Variants in RNFT2 observed in about 807,000 individuals in gnomAD.
The protein encoded by RNFT2 is E3 ubiquitin-protein ligase RNFT2.
RNFT2 carries 36 observed loss-of-function variants against 53.0 expected under a neutral mutation model. That is an observed-to-expected ratio of 0.68 (90% CI 0.52 to 0.90). The LOEUF (loss-of-function observed/expected upper bound fraction) is 0.90, where lower values mean the gene tolerates loss of function less well. RNFT2 is among the 40% of genes least tolerant of loss of function. The pLI is 0.00. For missense variants in RNFT2, 514 were observed against 585.6 expected (o/e 0.88, Z 1.26); for synonymous variants, 260 against 253.2 (o/e 1.03, Z -0.26).
At chr12:116,760,047 A>G (rs1872638708) in intron 5 of RNFT2, among the ~76,000 whole-genome samples, 1 of 152,064 alleles carries the variant, frequency 6.6e-6, no homozygotes. Flanking sequence ...TAAGTAGATG[A>G]CATTCCCAGG....
chr12:116,776,365 T>C (rs1873429088), intron 6 of RNFT2, among the ~76,000 whole-genome samples: 1 of 152,170 alleles, frequency 6.6e-6, no homozygotes, highest in African/African-American at 2.4e-5. Context: ...ATCATGATCA[T>C]GGAAGCACTG....
At chr12:116,788,223 A>C (rs12309159) in intron 7 of RNFT2, among the ~76,000 whole-genome samples, 1 of 152,152 alleles carries the variant, frequency 6.6e-6, no homozygotes, top group Non-Finnish European at 1.5e-5. Flanking sequence ...CACTGCGCCC[A>C]GCCTCTTTTG....
intron 7 of RNFT2, among the ~76,000 whole-genome samples, chr12:116,816,470 C>A (rs1875680115): frequency 6.6e-6 from 1 of 152,160 alleles, no homozygotes. Flanking sequence ...CCCCTCCTCG[C>A]CAGAAGAGCA....
At chr12:116,828,690 A>T (rs946016798) in intron 7 of RNFT2, among the ~76,000 whole-genome samples, 2 of 151,884 alleles carry the variant, frequency 1.3e-5, no homozygotes, top group Non-Finnish European at 2.9e-5. Context: ...AGAGGGAGGG[A>T]GGGGCAGAGG....
At chr12:116,772,313 G>A (rs1325187123) in intron 6 of RNFT2, among the ~76,000 whole-genome samples, 2 of 151,924 alleles carry the variant, frequency 1.3e-5, no homozygotes, top group African/African-American at 4.8e-5. Context: ...ATTTTATTTT[G>A]TTTTTATTTT....
In RNFT2 at chr12:116,841,896, T is replaced by TATATATAAATATATATATAAAA. The variant is rs1565876193; in HGVS notation, c.1200+5621_1200+5622insAATATATATATAAAAATATATA. Among the ~76,000 whole-genome samples, 64 of 20,332 alleles carry TATATATAAATATATATATAAAA rather than the reference T, an allele frequency of 3.1e-3. 3 individuals are homozygous for TATATATAAATATATATATAAAA. Among genetic ancestry groups the TATATATAAATATATATATAAAA allele is most frequent in the African/African-American group, 0.012 (59 of 4,830 alleles). The allele number at this position is 20,332 out of a possible 152,430, so 13.3% of individuals were successfully genotyped here. A position where few individuals can be genotyped will look rare whatever the true frequency, so the allele number is the denominator to read the frequency against. On this transcript the variant is annotated intron_variant, in intron 10 of 10. Transcript: ENST00000257575. ...ATATATATATAAATATATATAAAAATATATATATATAAATATATATATAAA... is the reference window on the plus strand; with the variant it reads ...ATATATATATAAATATATATAAAAATATATATAAATATATATATAAAAATATATATATAAATATATATATAAA...
intron 3 of RNFT2, among the ~76,000 whole-genome samples, chr12:116,744,123 G>A (rs1180634578): frequency 6.6e-6 from 1 of 151,912 alleles, no homozygotes; most frequent in East Asian, 1.9e-4. Context: ...CTACCCAGGA[G>A]GCTGAGGAAG....
chr12:116,815,764 G>A (rs1394424439), intron 7 of RNFT2, among the ~76,000 whole-genome samples: 2 of 152,128 alleles, frequency 1.3e-5, no homozygotes, highest in African/African-American at 4.8e-5. Flanking sequence ...TCTTTGGGGC[G>A]GGGGCATTAT....
chr12:116,749,600 A>G (rs1201240835), intron 3 of RNFT2, among the ~76,000 whole-genome samples: 2 of 152,092 alleles, frequency 1.3e-5, no homozygotes, highest in Non-Finnish European at 2.9e-5. Context: ...TTACAGGGAC[A>G]GCAGTCACAC....
intron 7 of RNFT2, among the ~76,000 whole-genome samples, chr12:116,817,863 T>C (rs1416111475): frequency 1.3e-5 from 2 of 152,176 alleles, no homozygotes; most frequent in African/African-American, 4.8e-5. Context: ...TGCGAAGGTG[T>C]TGGGGATAAG....
In RNFT2 at chr12:116,812,740, G is replaced by A. The variant is rs543966349; in HGVS notation, c.883-21052G>A. On this transcript the variant is annotated intron_variant, in intron 7 of 10. Transcript: ENST00000257575. Reference sequence around the variant, plus strand: ...GTAGAGATGGGGTTTTACCATGTTGGCCAGGCTGGTCTCTAAATCATGGCC... The same window carrying A: ...GTAGAGATGGGGTTTTACCATGTTGACCAGGCTGGTCTCTAAATCATGGCC... Among the ~76,000 whole-genome samples the A allele has an allele frequency of 2.6e-5, 4 of 152,138 alleles. No homozygotes were observed. The East Asian group carries it at 5.8e-4, about 22-fold the overall frequency.
At position 116,849,418 on chromosome 12, in the gene RNFT2, C is replaced by A; in HGVS notation, c.1305C>A (p.Gly435=). 1 of 1,588,472 alleles carries A rather than the reference C, an allele frequency of 6.3e-7. No individual in the cohort carries two copies. The highest frequency in any genetic ancestry group is 8.5e-7 in the Non-Finnish European group (1 of 1,171,156). ...AVDTLRCWKD[G]ATSAHFQVY Reference sequence around the variant, plus strand: ...ACACCCTGCGCTGCTGGAAGGACGGCGCCACGTCCGCACACTTCCAGGTGT... The same window carrying A: ...ACACCCTGCGCTGCTGGAAGGACGGAGCCACGTCCGCACACTTCCAGGTGT... The change falls in exon 11 of 11, where the codon GGC becomes GGA. Residue 435 remains glycine (G), a synonymous_variant. Transcript: ENST00000257575.
chr12:116,792,075 A>T (rs904067335), intron 7 of RNFT2, among the ~76,000 whole-genome samples: 3 of 151,880 alleles, frequency 2.0e-5, no homozygotes, highest in Non-Finnish European at 4.4e-5. Flanking sequence ...GTTTTTTGAG[A>T]CAGAGTCTCT....
At chr12:116,809,810 C>T (rs1302505977) in intron 7 of RNFT2, among the ~76,000 whole-genome samples, 4 of 152,064 alleles carry the variant, frequency 2.6e-5, no homozygotes. Flanking sequence ...GTAGCTGGGA[C>T]TACAGGCACC....
At chr12:116,843,367 C>T (rs916424292) in intron 10 of RNFT2, among the ~76,000 whole-genome samples, 1 of 151,796 alleles carries the variant, frequency 6.6e-6, no homozygotes, top group Non-Finnish European at 1.5e-5. Flanking sequence ...ATGGTGCCTG[C>T]CTGTAGTCGA....
intron 6 of RNFT2, 34 bp downstream of exon 6, chr12:116,766,948 A>G: frequency 6.8e-7 from 1 of 1,466,174 alleles, no homozygotes; most frequent in Non-Finnish European, 9.4e-7. Flanking sequence ...ACGGTGGGAG[A>G]GTGGGGCACT....
chr12:116,851,510 A>G lies in RNFT2; in HGVS notation c.*2062A>G, dbSNP rs1431680017. 3 of 501,358 alleles carry G rather than the reference A, an allele frequency of 6.0e-6. No homozygotes were observed. The highest frequency in any genetic ancestry group is 1.1e-5 in the Non-Finnish European group (3 of 278,524). 31.1% of individuals were successfully genotyped at this position (501,358 alleles called of 1,614,324 possible). On this transcript the variant is annotated 3_prime_UTR_variant, in exon 11 of 11. Transcript: ENST00000257575. ...TGCCAGCATTTTGGGAGGCTGAAGC[A>G]GGCGGGTCACCTGAGGTCAAGAGTT...
At chr12:116,847,978 A>G (rs1877703526) in intron 10 of RNFT2, among the ~76,000 whole-genome samples, 1 of 152,048 alleles carries the variant, frequency 6.6e-6, no homozygotes, top group African/African-American at 2.4e-5. Flanking sequence ...TGCATTAGCA[A>G]TTTATCCTGA....
chr12:116,823,390 A>G (rs1375278437), intron 7 of RNFT2, among the ~76,000 whole-genome samples: 1 of 152,218 alleles, frequency 6.6e-6, no homozygotes, highest in Admixed American at 6.5e-5. Context: ...AAATGGTGAC[A>G]TATAAAAATC....
Sources: allele counts gnomAD v4.1 joint callset (sites outside exome capture counted in the v4.1 genomes callset), GRCh38; gene constraint gnomAD v4.1.1; transcripts MANE v1.5; gene names NCBI Gene and HGNC (gene_info 2026-07-23, HGNC 2026-07-21).